Variants in ARHGAP25 observed in about 807,000 individuals in gnomAD.
The protein encoded by ARHGAP25 is rho GTPase-activating protein 25.
Under a neutral mutation model 71.0 loss-of-function variants are expected in ARHGAP25, and 34 were observed. The ratio of observed to expected loss-of-function variants is 0.48; its 90% confidence interval spans 0.36 to 0.64. ARHGAP25 has a LOEUF of 0.64. ARHGAP25 is among the 30% of genes least tolerant of loss of function. The pLI is 0.00. For synonymous variants in ARHGAP25, 282 were observed against 296.5 expected, an observed-to-expected ratio of 0.95 and a Z score of 0.50; for missense variants, 706 against 805.1, an observed-to-expected ratio of 0.88 and a Z score of 1.49.
chr2:68,751,613 T>C (rs1461235723), intron 1 of ARHGAP25, among the ~76,000 whole-genome samples: 2 of 152,240 alleles, frequency 1.3e-5, no homozygotes, highest in Non-Finnish European at 2.9e-5. Context: ...TTTCCCTTTG[T>C]GTCCATGGAT....
At chr2:68,756,569 A>G (rs747289818) in intron 1 of ARHGAP25, among the ~76,000 whole-genome samples, 4 of 152,234 alleles carry the variant, frequency 2.6e-5, no homozygotes, top group African/African-American at 9.6e-5. Flanking sequence ...GAACTTGCCC[A>G]GGGGAAGGTG....
chr2:68,788,012 G>A (rs1251661101), intron 4 of ARHGAP25, 56 bp downstream of exon 4: 15 of 1,380,386 alleles, frequency 1.1e-5, no homozygotes, highest in South Asian at 3.5e-5. Context: ...CAGAAAGTAG[G>A]AAGTAGCTCC....
intron 1 of ARHGAP25, among the ~76,000 whole-genome samples, chr2:68,755,156 G>C (rs1676402934): frequency 6.6e-6 from 1 of 151,976 alleles, no homozygotes; most frequent in Non-Finnish European, 1.5e-5. Context: ...CAGACTCTTT[G>C]AGTCTTTTGT....
rs1424235809 is a variant in ARHGAP25, at chr2:68,775,285, C to A, written c.126C>A (p.Asn42Lys). 6.2e-7 allele frequency: 1 copy of A among 1,614,230 alleles called. No individual in the cohort carries two copies. Among genetic ancestry groups the A allele is most frequent in the Non-Finnish European group, 8.5e-7 (1 of 1,180,044 alleles). Residue 42 changes from asparagine to lysine, a missense_variant, in exon 2 of 11, where the codon AAC becomes AAA. Transcript: ENST00000409202. ...CCTTCCATCCATCGTCCACCCCCAA[C>A]CCGCTGGAGAGGCCCATCAAGATGG... The part of the protein sequence containing the change: ...MAAFHPSSTP[N>K]PLERPIKMGW...
At chr2:68,724,690 A>G (rs1215596078) in intron 2 of ARHGAP25, among the ~76,000 whole-genome samples, 3 of 152,226 alleles carry the variant, frequency 2.0e-5, no homozygotes, top group African/African-American at 7.2e-5. Flanking sequence ...GGAGATGTTT[A>G]CTGGGCATCT....
intron 1 of ARHGAP25, among the ~76,000 whole-genome samples, chr2:68,765,126 T>TACA (rs1306489357): frequency 6.6e-6 from 1 of 152,176 alleles, no homozygotes; most frequent in Non-Finnish European, 1.5e-5. Context: ...AAGCTGACTT[T>TACA]ACAGGAAATA....
intron 1 of ARHGAP25, among the ~76,000 whole-genome samples, chr2:68,748,633 AT>A (rs36110423): frequency 5.3e-5 from 8 of 151,556 alleles, no homozygotes; most frequent in African/African-American, 1.7e-4. Flanking sequence ...AGTCCAAAGC[AT>A]TTTTTTTTCC....
chr2:68,789,321 A>G (rs1333215840), intron 4 of ARHGAP25, among the ~76,000 whole-genome samples: 1 of 152,184 alleles, frequency 6.6e-6, no homozygotes, highest in African/African-American at 2.4e-5. Flanking sequence ...TACAGGCGTG[A>G]GCCACCGTGC....
intron 7 of ARHGAP25, among the ~76,000 whole-genome samples, chr2:68,817,093 A>T (rs1472448570): frequency 1.4e-5 from 2 of 145,618 alleles, no homozygotes; most frequent in Non-Finnish European, 3.0e-5. Context: ...AATCAAAATT[A>T]TATAAAGGAT....
At chr2:68,734,123 G>T (rs1169996003), upstream of ARHGAP25, among the ~76,000 whole-genome samples, 3 of 152,178 alleles carry the variant, frequency 2.0e-5, no homozygotes, top group Non-Finnish European at 4.4e-5. Context: ...TGTGTGTGGT[G>T]CAACCACTCT....
At chr2:68,720,650 A>G (rs1248714023) in intron 2 of ARHGAP25, among the ~76,000 whole-genome samples, 1 of 152,330 alleles carries the variant, frequency 6.6e-6, no homozygotes, top group East Asian at 1.9e-4. Flanking sequence ...AGGTGATCCC[A>G]GTAGATTCCT....
intron 1 of ARHGAP25, among the ~76,000 whole-genome samples, chr2:68,761,822 T>C (rs191448893): frequency 2.3e-3 from 356 of 152,276 alleles, no homozygotes; most frequent in Middle Eastern, 6.8e-3. Context: ...GAAAACAGTA[T>C]AGCAGTTCCA....
chr2:68,776,557 G>A (rs1319753035), intron 2 of ARHGAP25, among the ~76,000 whole-genome samples: 1 of 152,220 alleles, frequency 6.6e-6, no homozygotes, highest in African/African-American at 2.4e-5. Context: ...GGATAAGGCT[G>A]TGAGAATGGG....
chr2:68,774,829 C>G, intron 1 of ARHGAP25: 1 of 1,141,912 alleles, frequency 8.8e-7, no homozygotes. Context: ...GCATTATTTT[C>G]TCCTCTCTCT....
At chr2:68,776,392 G>A (rs951000982) in intron 2 of ARHGAP25, among the ~76,000 whole-genome samples, 7 of 152,186 alleles carry the variant, frequency 4.6e-5, no homozygotes, top group Admixed American at 1.3e-4. Flanking sequence ...GACAGCTGTG[G>A]CTACTGTGCT....
intron 5 of ARHGAP25, among the ~76,000 whole-genome samples, chr2:68,811,444 A>G: frequency 6.6e-6 from 1 of 152,184 alleles, no homozygotes; most frequent in Non-Finnish European, 1.5e-5. Context: ...CTCATAACAT[A>G]TTTTGACAAA....
intron 1 of ARHGAP25, among the ~76,000 whole-genome samples, chr2:68,771,404 ATTT>A (rs1677480728): frequency 6.6e-6 from 1 of 152,198 alleles, no homozygotes; most frequent in East Asian, 1.9e-4. Flanking sequence ...CATGGTTATT[ATTT>A]TCATTATGAG....
In ARHGAP25 at chr2:68,811,156, G is replaced by C. The variant is rs531274823; in HGVS notation, c.675-2131G>C. On this transcript the variant is annotated intron_variant, in intron 5 of 10. Transcript: ENST00000409202. ...TGAGGACTGTGCCCTAGAGTGGGCA[G>C]AGTATAGAATGCTGGAGGCATAGGG... is the stretch of plus-strand genomic sequence containing the variant. Among the ~76,000 whole-genome samples the C allele has an allele frequency of 4.6e-5, 7 of 152,326 alleles. No homozygotes were observed. The East Asian group carries it at 1.3e-3, about 29-fold the overall frequency.
rs1681348825 is a variant in ARHGAP25 at position 68,817,915 on chromosome 2, G to A, written c.924G>A (p.Met308Ile). Residue 308 changes from methionine to isoleucine, a missense_variant, in exon 8 of 11, where the codon ATG (methionine) becomes ATA (isoleucine). By Grantham distance (10) the Met-to-Ile change is conservative. Coordinates refer to ENST00000409202, the MANE Select transcript of ARHGAP25 (RefSeq NM_001007231.3). ...AGCTGAACTGTGCTGTTAACAAGAT[G>A]AGTGTGGACAACCTGGCTACTGTGA... ...EIQLNCAVNK[M>I]SVDNLATVIG... 6.2e-7 allele frequency: 1 copy of A among 1,614,124 alleles called. No homozygotes were observed. The highest frequency in any genetic ancestry group is 8.5e-7 in the Non-Finnish European group (1 of 1,179,962).
Sources: gnomAD v4.1 joint callset for allele counts (sites outside exome capture counted in the v4.1 genomes callset) on GRCh38, gnomAD v4.1.1 for gene constraint, MANE v1.5 for transcripts, NCBI Gene and HGNC (gene_info 2026-07-23, HGNC 2026-07-21) for gene names.